The following UBXN7 variants were observed in gnomAD, a reference collection of about 807,000 sequenced individuals.
The protein encoded by UBXN7 is UBX domain-containing protein 7.
Under a neutral mutation model 58.0 loss-of-function variants are expected in UBXN7, and 9 were observed. The ratio of observed to expected loss-of-function variants is 0.16; its 90% CI spans 0.09 to 0.27. UBXN7 has a LOEUF of 0.27. Among genes scored for constraint, UBXN7 ranks in the 10% least tolerant of loss-of-function variants. The pLI is 1.00. For synonymous variants in UBXN7, 208 were observed against 205.0 expected (o/e 1.01, Z -0.12); for missense variants, 328 against 599.6 (o/e 0.55, Z 4.73).
At chr3:196,428,818 C>T (rs574447434) in intron 1 of UBXN7, among the ~76,000 whole-genome samples, 5 of 142,458 alleles carry the variant, frequency 3.5e-5, no homozygotes, top group South Asian at 2.4e-4. Context: ...AGACCCAGTC[C>T]GTCTCAAAAA....
At chr3:196,376,406 C>CGTG (rs994885996) in intron 5 of UBXN7, among the ~76,000 whole-genome samples, 1 of 151,414 alleles carries the variant, frequency 6.6e-6, no homozygotes, top group Non-Finnish European at 1.5e-5. Flanking sequence ...ATTAGCCAGG[C>CGTG]GTGGTGGTGT....
rs1238041520 is a variant in UBXN7 at position 196,411,851 on chromosome 3, G to A, written c.74-4458C>T. Among the ~76,000 whole-genome samples, 8 of 152,124 alleles carry A rather than the reference G, an allele frequency of 5.3e-5. 1 individual carries two copies. The highest frequency in any genetic ancestry group is 5.2e-4 in the Admixed American group (8 of 15,268). ...TAGCAGATGACATGGAGTAGCTATA[G>A]CCTTTTCTGATAGCTGATAAAGATA... On this transcript the variant is annotated intron_variant, in intron 1 of 10. Transcript: ENST00000296328.
At chr3:196,374,792 G>T (rs1262314293) in intron 5 of UBXN7, among the ~76,000 whole-genome samples, 1 of 143,194 alleles carries the variant, frequency 7.0e-6, no homozygotes, top group Non-Finnish European at 1.5e-5. Flanking sequence ...AGGCAGAATT[G>T]CTTGAACCTG....
rs556469979 is a variant in UBXN7, at chr3:196,406,972, G to A, written c.221+274C>T. Among the ~76,000 whole-genome samples the A allele has an allele frequency of 5.3e-5, 8 of 152,224 alleles. No homozygotes were observed. The East Asian group carries it at 5.8e-4, about 11-fold the overall frequency. ...GAGGCACACAGGCCCTGCTGGCCAC[G>A]GGCCAATCCTAGCAGAGCACCACCA... On this transcript the variant is annotated intron_variant, in intron 2 of 10. Transcript: ENST00000296328.
At chr3:196,397,073 C>T (rs1233476498) in intron 3 of UBXN7, among the ~76,000 whole-genome samples, 1 of 152,206 alleles carries the variant, frequency 6.6e-6, no homozygotes, top group Non-Finnish European at 1.5e-5. Flanking sequence ...AACCTCTCCT[C>T]AGACCACACC....
intron 3 of UBXN7, among the ~76,000 whole-genome samples, chr3:196,394,891 CAG>C (rs1403666031): frequency 6.6e-6 from 1 of 152,158 alleles, no homozygotes; most frequent in Non-Finnish European, 1.5e-5. Flanking sequence ...GAAAAGTAAA[CAG>C]ATCCACCTAA....
intron 5 of UBXN7, among the ~76,000 whole-genome samples, chr3:196,383,801 T>G (rs1456988883): frequency 6.6e-6 from 1 of 152,144 alleles, no homozygotes; most frequent in Non-Finnish European, 1.5e-5. Flanking sequence ...CTTAAAGCAG[T>G]GTGTAGAGGG....
chr3:196,358,500 C>G (rs1458388791), intron 10 of UBXN7, among the ~76,000 whole-genome samples: 2 of 152,144 alleles, frequency 1.3e-5, no homozygotes, highest in Non-Finnish European at 2.9e-5. Context: ...CTTTGGGAGG[C>G]TGGGGAAGGA....
In UBXN7 at chr3:196,381,016, G is replaced by A. The variant is rs182292573; in HGVS notation, c.469-8974C>T. 4.1e-3 allele frequency among the ~76,000 whole-genome samples: 632 copies of A among 152,372 alleles called. 2 individuals carry two copies. Among genetic ancestry groups the A allele is most frequent in the Non-Finnish European group, 7.4e-3 (503 of 68,036 alleles). On this transcript the variant is annotated intron_variant, in intron 5 of 10. Coordinates refer to ENST00000296328, the MANE Select transcript of UBXN7 (RefSeq NM_015562.2). ...GCAGAGCCCACCACAGCTCAACAAG[G>A]CCTACTGCCCCTAAACTCCACCTCT...
At chr3:196,388,897 G>A (rs1197788170) in intron 5 of UBXN7, among the ~76,000 whole-genome samples, 4 of 151,872 alleles carry the variant, frequency 2.6e-5, no homozygotes, top group South Asian at 4.2e-4. Context: ...TTAAAGTCTT[G>A]CAGATGGTTA....
intron 2 of UBXN7, among the ~76,000 whole-genome samples, chr3:196,404,644 CT>C (rs1434850936): frequency 6.6e-6 from 1 of 152,114 alleles, no homozygotes; most frequent in Non-Finnish European, 1.5e-5. Context: ...CCAAAACATC[CT>C]TTATGAAATG....
intron 1 of UBXN7, among the ~76,000 whole-genome samples, chr3:196,415,685 G>A (rs577877331): frequency 1.3e-4 from 20 of 151,856 alleles, no homozygotes; most frequent in Admixed American, 5.2e-4. Context: ...GGGAGGCTGA[G>A]GTAGGAAAAT....
rs74490628 is a variant in UBXN7, at chr3:196,349,220, C to G, written c.*7465G>C. Reference sequence around the variant, plus strand: ...TCAACAGCCTTTCCAGCTGAAGGGACGAACCCAGGAAAGTAACAAGGCCCA... The same window carrying G: ...TCAACAGCCTTTCCAGCTGAAGGGAGGAACCCAGGAAAGTAACAAGGCCCA... On this transcript the variant is annotated 3_prime_UTR_variant, in exon 11 of 11. Transcript: ENST00000296328. 5 of 152,100 alleles carry G rather than the reference C, an allele frequency of 3.3e-5. No homozygotes were observed. The highest frequency in any genetic ancestry group is 7.3e-5 in the Non-Finnish European group (5 of 68,036). 9.4% of individuals were successfully genotyped at this position (152,100 alleles called of 1,614,324 possible).
intron 1 of UBXN7, among the ~76,000 whole-genome samples, chr3:196,428,122 GAAAACAAAAACA>G (rs560641226): frequency 9.3e-5 from 14 of 149,768 alleles, no homozygotes; most frequent in South Asian, 4.3e-4. Flanking sequence ...AAATTCTGTC[GAAAACAAAAACA>G]AAAACAAAAA....
chr3:196,372,942 G>A (rs1224489451), intron 5 of UBXN7, among the ~76,000 whole-genome samples: 1 of 151,684 alleles, frequency 6.6e-6, no homozygotes, highest in Admixed American at 6.6e-5. Context: ...AAAGAGACGG[G>A]GTTTCACCAT....
chr3:196,359,777 C>A (rs192421672), intron 10 of UBXN7, among the ~76,000 whole-genome samples: 1 of 151,890 alleles, frequency 6.6e-6, no homozygotes. Flanking sequence ...TGGTGGTGGG[C>A]GCCTGTAATC....
intron 8 of UBXN7, 137 bp from the exon 9 acceptor site, chr3:196,362,824 G>T: frequency 8.8e-7 from 1 of 1,133,090 alleles, no homozygotes; most frequent in Non-Finnish European, 1.2e-6. Flanking sequence ...TAAGAGCAAG[G>T]ACTGTGTCTT....
intron 3 of UBXN7, chr3:196,400,668 A>T: frequency 3.4e-6 from 1 of 297,360 alleles, no homozygotes; most frequent in Middle Eastern, 4.1e-4. Context: ...TGAGCCCAGG[A>T]GTTTGAGACT....
intron 1 of UBXN7, among the ~76,000 whole-genome samples, chr3:196,412,671 C>T (rs1730368825): frequency 6.6e-6 from 1 of 152,066 alleles, no homozygotes; most frequent in Admixed American, 6.6e-5. Context: ...ATGGAAGCCA[C>T]CCAAGTATAC....
Sources: gnomAD v4.1 joint callset for allele counts (sites outside exome capture counted in the v4.1 genomes callset) on GRCh38, gnomAD v4.1.1 for gene constraint, MANE v1.5 for transcripts, NCBI Gene and HGNC (gene_info 2026-07-23, HGNC 2026-07-21) for gene names.